The following CNTN5 variants were observed in gnomAD, a reference collection of about 807,000 sequenced individuals.
CNTN5 encodes contactin-5.
A neutral mutation model predicts 129.1 loss-of-function variants in CNTN5; 77 were observed. The ratio of observed to expected loss-of-function variants is 0.60; its 90% CI spans 0.50 to 0.72. The LOEUF (loss-of-function observed/expected upper bound fraction) is 0.72, where lower values mean the gene tolerates loss of function less well. Ranked by LOEUF, CNTN5 falls within the 30% of genes least tolerant of loss-of-function variation. The pLI, the probability that CNTN5 is intolerant of heterozygous loss-of-function variation, is 0.00. For synonymous variants in CNTN5, 509 were observed against 465.6 expected (o/e 1.09, Z -1.20); for missense variants, 1,478 against 1,328.8 (o/e 1.11, Z -1.75).
intron 3 of CNTN5, among the ~76,000 whole-genome samples, chr11:99,805,244 C>G (rs111851982): frequency 4.6e-5 from 7 of 152,072 alleles, no homozygotes; most frequent in African/African-American, 1.7e-4. Context: ...TTAACTAGAG[C>G]AGTGCTAATG....
chr11:100,204,334 ATATATATAT>A lies in CNTN5; in HGVS notation c.1884+10672_1884+10680del, dbSNP rs1565340604. ...TATATATATATATATATATATATATATATATATATAATTATAGGCAGACAGATAGATATA... is the reference window on the plus strand; with the variant it reads ...TATATATATATATATATATATATATAAATTATAGGCAGACAGATAGATATA... On this transcript the variant is annotated intron_variant, in intron 15 of 24. Coordinates refer to ENST00000524871, the MANE Select transcript of CNTN5 (RefSeq NM_014361.4). Among the ~76,000 whole-genome samples the A allele has an allele frequency of 3.8e-3, 430 of 113,770 alleles. 12 individuals carry two copies. Among genetic ancestry groups the A allele is most frequent in the African/African-American group, 0.014 (412 of 30,268 alleles). The allele number at this position is 113,770 out of a possible 152,430, so 74.6% of individuals were successfully genotyped here.
At chr11:100,004,956 A>G (rs1003309055) in intron 9 of CNTN5, among the ~76,000 whole-genome samples, 1 of 152,144 alleles carries the variant, frequency 6.6e-6, no homozygotes, top group Non-Finnish European at 1.5e-5. Context: ...GCCACTCTAC[A>G]AGCCTGCGGA....
chr11:99,875,775 A>G (rs1948617508), intron 6 of CNTN5, among the ~76,000 whole-genome samples: 1 of 152,198 alleles, frequency 6.6e-6, no homozygotes, highest in Admixed American at 6.6e-5. Context: ...TACATAATAG[A>G]CAATACACAT....
At chr11:99,243,679 T>C (rs2135766712) in intron 1 of CNTN5, among the ~76,000 whole-genome samples, 1 of 152,084 alleles carries the variant, frequency 6.6e-6, no homozygotes, top group African/African-American at 2.4e-5. Context: ...CTTCTGCATA[T>C]AGTTTCCAGC....
At chr11:99,861,719 A>G (rs1312316344) in intron 6 of CNTN5, among the ~76,000 whole-genome samples, 2 of 152,200 alleles carry the variant, frequency 1.3e-5, no homozygotes, top group African/African-American at 4.8e-5. Context: ...GCAGTAATGT[A>G]ATTTAACTTG....
At chr11:99,660,483 A>G (rs1287645534) in intron 3 of CNTN5, among the ~76,000 whole-genome samples, 1 of 152,148 alleles carries the variant, frequency 6.6e-6, no homozygotes, top group Non-Finnish European at 1.5e-5. Context: ...CAGTTTTATT[A>G]TATGCCATTT....
chr11:99,764,540 C>A (rs1377636938), intron 3 of CNTN5, among the ~76,000 whole-genome samples: 3 of 152,038 alleles, frequency 2.0e-5, no homozygotes, highest in Non-Finnish European at 2.9e-5. Context: ...CTCCGCCTTC[C>A]CAAGTAGCTG....
chr11:100,343,050 A>G, intron 23 of CNTN5, among the ~76,000 whole-genome samples: 1 of 152,300 alleles, frequency 6.6e-6, no homozygotes, highest in East Asian at 1.9e-4. Flanking sequence ...AAAAACAGAT[A>G]CCATTTCTTA....
intron 1 of CNTN5, among the ~76,000 whole-genome samples, chr11:99,236,800 A>G (rs1300351610): frequency 1.3e-5 from 2 of 151,918 alleles, no homozygotes; most frequent in Non-Finnish European, 2.9e-5. Flanking sequence ...TTTTATTTGC[A>G]TATTTCATCA....
At chr11:99,639,033 A>C (rs1378359781) in intron 3 of CNTN5, among the ~76,000 whole-genome samples, 1 of 152,102 alleles carries the variant, frequency 6.6e-6, no homozygotes, top group African/African-American at 2.4e-5. Context: ...CCTGCAGCAA[A>C]CTTTTGCCTG....
At position 100,286,162 on chromosome 11, in the gene CNTN5, G is replaced by A. The variant is rs549143390; in HGVS notation, c.2315-11463G>A. Reference sequence around the variant, plus strand: ...GCAGTCTGAGATCAAACTGCAAGGTGGCAGCCAGGCTGGGGGAGGGGCGCC... The same window carrying A: ...GCAGTCTGAGATCAAACTGCAAGGTAGCAGCCAGGCTGGGGGAGGGGCGCC... On this transcript the variant is annotated intron_variant, in intron 18 of 24. Coordinates refer to ENST00000524871, the MANE Select transcript of CNTN5 (RefSeq NM_014361.4). Among the ~76,000 whole-genome samples, 450 of 152,100 alleles carry A rather than the reference G, an allele frequency of 3.0e-3. 1 individual carries two copies. Among genetic ancestry groups the A allele is most frequent in the African/African-American group, 9.1e-3 (377 of 41,564 alleles).
intron 1 of CNTN5, among the ~76,000 whole-genome samples, chr11:99,070,367 C>A (rs1281041713): frequency 2.0e-5 from 3 of 152,008 alleles, no homozygotes; most frequent in African/African-American, 7.2e-5. Context: ...AATAATGTTT[C>A]TTTTCCTGAA....
chr11:99,899,602 T>A (rs540473029), intron 6 of CNTN5, among the ~76,000 whole-genome samples: 2 of 152,180 alleles, frequency 1.3e-5, no homozygotes, highest in South Asian at 4.1e-4. Context: ...ATTATCTTTA[T>A]GATGTATTGT....
chr11:100,088,174 C>T (rs550666261), intron 13 of CNTN5, among the ~76,000 whole-genome samples: 1 of 151,840 alleles, frequency 6.6e-6, no homozygotes, highest in African/African-American at 2.4e-5. Flanking sequence ...TCCTCAGAGA[C>T]TATTATGAAC....
At chr11:99,316,644 A>AT (rs1865352154) in intron 1 of CNTN5, among the ~76,000 whole-genome samples, 1 of 152,022 alleles carries the variant, frequency 6.6e-6, no homozygotes, top group Non-Finnish European at 1.5e-5. Context: ...CAGGGCACAC[A>AT]TGCTAATGTA....
intron 2 of CNTN5, among the ~76,000 whole-genome samples, chr11:99,448,869 C>T (rs751379199): frequency 6.6e-6 from 1 of 151,418 alleles, no homozygotes; most frequent in Non-Finnish European, 1.5e-5. Flanking sequence ...CCTCTGTCTC[C>T]TGCTGGACTC....
chr11:99,962,086 A>T (rs1950962160), intron 8 of CNTN5, among the ~76,000 whole-genome samples: 1 of 151,508 alleles, frequency 6.6e-6, no homozygotes, highest in Non-Finnish European at 1.5e-5. Flanking sequence ...TCATACTAAG[A>T]TAATATGAAA....
chr11:99,090,296 C>T (rs1316623208), intron 1 of CNTN5, among the ~76,000 whole-genome samples: 1 of 151,824 alleles, frequency 6.6e-6, no homozygotes, highest in Non-Finnish European at 1.5e-5. Context: ...ATCAGCAGCC[C>T]CTTGAAGTTA....
intron 3 of CNTN5, among the ~76,000 whole-genome samples, chr11:99,587,707 G>GA (rs768220674): frequency 4.3e-4 from 65 of 151,062 alleles, no homozygotes; most frequent in Non-Finnish European, 7.2e-4. Flanking sequence ...AAATTGCTGA[G>GA]AATTTTTTTA....
Sources: gnomAD v4.1 joint callset for allele counts (sites outside exome capture counted in the v4.1 genomes callset) on GRCh38, gnomAD v4.1.1 for gene constraint, MANE v1.5 for transcripts, NCBI Gene and HGNC (gene_info 2026-07-23, HGNC 2026-07-21) for gene names.